AOPEP: variants seen among roughly 807,000 people sequenced by gnomAD.
The protein encoded by AOPEP is aminopeptidase O (putative).
AOPEP carries 77 observed loss-of-function variants against 98.1 expected under a neutral mutation model. The observed-to-expected ratio is 0.78, with a 90% CI of 0.65 to 0.95. The LOEUF (loss-of-function observed/expected upper bound fraction) is 0.95, where lower values mean the gene tolerates loss of function less well. AOPEP is among the 40% of genes least tolerant of loss of function. AOPEP has a pLI of 0.00. For missense variants in AOPEP, 1,024 were observed against 1,024.7 expected, an observed-to-expected ratio of 1.00 and a Z score of 0.01; for synonymous variants, 346 against 365.3, an observed-to-expected ratio of 0.95 and a Z score of 0.60.
intron 1 of AOPEP, among the ~76,000 whole-genome samples, chr9:94,745,442 A>G (rs1834254757): frequency 6.6e-6 from 1 of 151,654 alleles, no homozygotes; most frequent in South Asian, 2.1e-4. Flanking sequence ...TGCCCGGCTA[A>G]TTTTTTGTAT....
chr9:95,092,208 G>T, the AOPEP span, among the ~76,000 whole-genome samples: 18 of 152,310 alleles, frequency 1.2e-4, no homozygotes, highest in African/African-American at 4.3e-4. Flanking sequence ...GGTCCCTGCG[G>T]TGTTTGTTGA....
chr9:95,063,451 T>A (rs901069524), intron 14 of AOPEP, among the ~76,000 whole-genome samples: 8 of 151,852 alleles, frequency 5.3e-5, no homozygotes, highest in Non-Finnish European at 1.2e-4. Flanking sequence ...CTCCGCAGAC[T>A]CCACTGAGCG....
At chr9:95,016,220 T>A (rs2062975712) in intron 13 of AOPEP, among the ~76,000 whole-genome samples, 1 of 151,398 alleles carries the variant, frequency 6.6e-6, no homozygotes, top group Non-Finnish European at 1.5e-5. Flanking sequence ...AGTTCTAGAG[T>A]TATTCAAAGT....
chr9:94,960,209 AGACCAGCCT>A (rs1410030438), intron 9 of AOPEP, among the ~76,000 whole-genome samples: 1 of 152,112 alleles, frequency 6.6e-6, no homozygotes, highest in East Asian at 1.9e-4. Context: ...CAGGAGTTCG[AGACCAGCCT>A]GGCTAACATG....
the AOPEP span, among the ~76,000 whole-genome samples, chr9:95,103,074 C>T: frequency 1.3e-5 from 2 of 152,230 alleles, no homozygotes; most frequent in African/African-American, 4.8e-5. Context: ...TGTCCTTCAT[C>T]AAGGAAACAA....
chr9:94,839,731 A>T (rs561604506), intron 5 of AOPEP, among the ~76,000 whole-genome samples: 2 of 152,208 alleles, frequency 1.3e-5, no homozygotes, highest in Admixed American at 1.3e-4. Context: ...TTACAATATG[A>T]TGTGGACAGG....
chr9:94,878,041 G>C (rs2047163615), intron 5 of AOPEP, among the ~76,000 whole-genome samples: 1 of 151,878 alleles, frequency 6.6e-6, no homozygotes, highest in Non-Finnish European at 1.5e-5. Flanking sequence ...CTGATTTTTT[G>C]GCATTTGCCC....
intron 15 of AOPEP, 95 bp from the exon 16 acceptor site, chr9:95,082,480 A>AGT (rs2069928083): frequency 2.9e-6 from 4 of 1,377,550 alleles, no homozygotes; most frequent in Middle Eastern, 5.0e-4. Flanking sequence ...TAGACCAGCA[A>AGT]GTGTGTGTGG....
intron 7 of AOPEP, among the ~76,000 whole-genome samples, chr9:94,944,212 A>G (rs1347104395): frequency 6.6e-6 from 1 of 152,214 alleles, no homozygotes; most frequent in South Asian, 2.1e-4. Flanking sequence ...AAGCTTAAGC[A>G]TAGAGTGACC....
chr9:95,131,610 C>T, the AOPEP span, among the ~76,000 whole-genome samples: 2 of 152,174 alleles, frequency 1.3e-5, no homozygotes, highest in Non-Finnish European at 2.9e-5. Flanking sequence ...ACACATCAGC[C>T]AGCACTACTG....
intron 5 of AOPEP, among the ~76,000 whole-genome samples, chr9:94,860,416 A>G (rs1260376413): frequency 6.6e-6 from 1 of 152,100 alleles, no homozygotes. Context: ...CGGGGTGGGC[A>G]GGTCGTGACC....
chr9:94,838,049 C>T (rs994774420), intron 5 of AOPEP, among the ~76,000 whole-genome samples: 3 of 152,174 alleles, frequency 2.0e-5, no homozygotes, highest in East Asian at 3.9e-4. Flanking sequence ...TGCTCTGTCT[C>T]CCAGGCTGGA....
chr9:94,969,478 T>G (rs2059405743), intron 10 of AOPEP, among the ~76,000 whole-genome samples: 1 of 151,826 alleles, frequency 6.6e-6, no homozygotes, highest in African/African-American at 2.4e-5. Context: ...TGGCACGATC[T>G]TGGCTCACTG....
chr9:94,964,144 C>T (rs2059032912), intron 9 of AOPEP, among the ~76,000 whole-genome samples: 1 of 152,210 alleles, frequency 6.6e-6, no homozygotes, highest in Non-Finnish European at 1.5e-5. Context: ...AATGCAGCCC[C>T]ATGTCTTAGA....
At chr9:95,106,947 C>T in the AOPEP span, 2 of 974,874 alleles carry the variant, frequency 2.1e-6, no homozygotes, top group Non-Finnish European at 3.2e-6. Flanking sequence ...GACCATTTAT[C>T]TGTGCTGGGC....
chr9:94,809,021 G>A (rs1849887460), intron 5 of AOPEP, among the ~76,000 whole-genome samples: 1 of 152,240 alleles, frequency 6.6e-6, no homozygotes, highest in Admixed American at 6.5e-5. Flanking sequence ...GGAAAGGGGT[G>A]GATGGACAAA....
At chr9:95,106,185 A>C in the AOPEP span, among the ~76,000 whole-genome samples, 1 of 151,984 alleles carries the variant, frequency 6.6e-6, no homozygotes, top group Non-Finnish European at 1.5e-5. Flanking sequence ...ATCTCGCTGC[A>C]CTTTGCCTTT....
chr9:95,105,956 C>T, the AOPEP span, among the ~76,000 whole-genome samples: 3 of 152,374 alleles, frequency 2.0e-5, no homozygotes, highest in African/African-American at 7.2e-5. Flanking sequence ...GCCCTCCAGC[C>T]CCTGCTTTCG....
chr9:94,886,184 A>T (rs1297534643), intron 5 of AOPEP, among the ~76,000 whole-genome samples: 1 of 150,968 alleles, frequency 6.6e-6, no homozygotes, highest in Non-Finnish European at 1.5e-5. Context: ...CCCAAAGGAG[A>T]AGCAGAAGCC....
Sources: gnomAD v4.1 joint callset for allele counts (sites outside exome capture counted in the v4.1 genomes callset) on GRCh38, gnomAD v4.1.1 for gene constraint, MANE v1.5 for transcripts, NCBI Gene and HGNC (gene_info 2026-07-23, HGNC 2026-07-21) for gene names.